ATAD3B: variants seen among roughly 807,000 people sequenced by gnomAD.
The protein encoded by ATAD3B is ATPase family AAA domain-containing protein 3B.
Under a neutral mutation model 70.2 loss-of-function variants are expected in ATAD3B, and 59 were observed. The ratio of observed to expected loss-of-function variants is 0.84; its 90% CI spans 0.68 to 1.04. ATAD3B has a LOEUF of 1.04. ATAD3B is among the 50% of genes least tolerant of loss of function. The pLI is 0.00. For synonymous variants in ATAD3B, 423 were observed against 388.6 expected (o/e 1.09, Z -1.04); for missense variants, 961 against 913.4 (o/e 1.05, Z -0.67).
intron 13 of ATAD3B, chr1:1,490,011 CG>C: frequency 7.4e-7 from 1 of 1,355,152 alleles, no homozygotes; most frequent in Non-Finnish European, 9.5e-7. Context: ...CGAGGGTCAG[CG>C]GGGAAGTACC....
At chr1:1,500,238 C>T (rs1382136672), downstream of ATAD3B, among the ~76,000 whole-genome samples, 1 of 143,874 alleles carries the variant, frequency 7.0e-6, no homozygotes, top group Non-Finnish European at 1.5e-5. Context: ...TTGTTGAAAA[C>T]CTTGGGAGTT....
downstream of ATAD3B, among the ~76,000 whole-genome samples, chr1:1,498,827 A>C (rs1283936151): frequency 6.6e-6 from 1 of 151,110 alleles, no homozygotes; most frequent in East Asian, 2.0e-4. Context: ...GTAGCACTCG[A>C]ATGTTAACTT....
downstream of ATAD3B, among the ~76,000 whole-genome samples, chr1:1,501,189 A>G (rs142051257): frequency 2.7e-3 from 408 of 151,142 alleles, 1 homozygote; most frequent in African/African-American, 9.2e-3. Context: ...CCTGAGTTTA[A>G]GCGATTCTCC....
chr1:1,493,488 C>G (rs749270075), intron 15 of ATAD3B, among the ~76,000 whole-genome samples: 1 of 151,704 alleles, frequency 6.6e-6, no homozygotes, highest in Non-Finnish European at 1.5e-5. Flanking sequence ...GCCGCCCAGG[C>G]TGGAGTGCAG....
chr1:1,498,508 A>G (rs1324313131), downstream of ATAD3B, among the ~76,000 whole-genome samples: 2 of 148,004 alleles, frequency 1.4e-5, no homozygotes, highest in Non-Finnish European at 3.0e-5. Flanking sequence ...GATGATGGCC[A>G]TGGCGAGGGG....
At chr1:1,489,503 T>C (rs555687075) in intron 13 of ATAD3B, 33 of 990,928 alleles carry the variant, frequency 3.3e-5, no homozygotes, top group African/African-American at 3.0e-4. Context: ...TTCACGGCCC[T>C]GTGCGCCGCC....
chr1:1,485,678 G>A (rs904528277), intron 8 of ATAD3B, 104 bp from the exon 9 acceptor site: 8 of 1,532,674 alleles, frequency 5.2e-6, no homozygotes, highest in Non-Finnish European at 6.2e-6. Flanking sequence ...GCTGTGCTTT[G>A]GGGCAGCTCC....
At chr1:1,509,455 A>T in the ATAD3B span, 33 of 1,589,324 alleles carry the variant, frequency 2.1e-5, no homozygotes, top group Admixed American at 4.4e-4. Context: ...ATAAAGTCCC[A>T]CGGGGGCCGC....
chr1:1,490,260 C>T lies in ATAD3B; in HGVS notation c.1341C>T (p.Phe447=), dbSNP rs147013208. Residue 447 remains phenylalanine, a synonymous_variant, in exon 14 of 16, where the codon TTC becomes TTT. Transcript: ENST00000673477. ...CTTCCCCATCCCTGTCCTACAGATTCATGCTGGTCCTGGCCAGCAATCTGC... is the reference window on the plus strand; with the variant it reads ...CTTCCCCATCCCTGTCCTACAGATTTATGCTGGTCCTGGCCAGCAATCTGC... ...LYHMGQHSNK[F]MLVLASNLPE... 312 of 1,612,232 alleles carry T rather than the reference C, an allele frequency of 1.9e-4. 2 individuals carry two copies. The African/African-American group carries it at 3.1e-3, about 16-fold the overall frequency.
chr1:1,508,467 G>A, the ATAD3B span, among the ~76,000 whole-genome samples: 1 of 151,564 alleles, frequency 6.6e-6, no homozygotes, highest in East Asian at 1.9e-4. Flanking sequence ...CAGCTGTCCG[G>A]GAAGGGTCCC....
chr1:1,501,337 C>G (rs1410673983), downstream of ATAD3B, among the ~76,000 whole-genome samples: 4 of 152,020 alleles, frequency 2.6e-5, no homozygotes, highest in African/African-American at 9.7e-5. Context: ...TCACTGCAAG[C>G]TCTGCCTCCC....
At chr1:1,478,392 G>C in intron 2 of ATAD3B, 1 of 1,478,094 alleles carries the variant, frequency 6.8e-7, no homozygotes, top group Admixed American at 2.3e-5. Context: ...AGCCTTGTGG[G>C]GTGGGGTTGG....
chr1:1,485,606 A>G (rs569467872), intron 8 of ATAD3B, among the ~76,000 whole-genome samples, 176 bp from the exon 9 acceptor site: 10 of 151,990 alleles, frequency 6.6e-5, no homozygotes, highest in African/African-American at 2.2e-4. Flanking sequence ...AAATGCCCCT[A>G]ATCCCAGCAA....
intron 4 of ATAD3B, 23 bp from the exon 5 acceptor site, chr1:1,480,844 C>G: frequency 1.9e-6 from 3 of 1,593,656 alleles, no homozygotes; most frequent in Non-Finnish European, 2.6e-6. Flanking sequence ...AGGCTTTTCT[C>G]TTTTTCTGCG....
Position 1,495,717 on chromosome 1 carries a change from G to T in ATAD3B, c.1847G>T (p.Cys616Phe), listed in dbSNP as rs761123135. 4.3e-6 allele frequency: 7 copies of T among 1,613,340 alleles called. No individual in the cohort carries two copies. The South Asian group carries it at 6.6e-5, about 15-fold the overall frequency. Residue 616 changes from cysteine (C) to phenylalanine (F), a missense_variant, in exon 16 of 16, where the codon TGC becomes TTC. By Grantham distance (205) the Cys-to-Phe change is radical. This residue lies in a region of ATAD3B where 417 missense variants were observed against 335.0 expected (regional missense o/e 1.24). Transcript: ENST00000673477. ...CLAGPCTFRI[C>F]SWMGTGLCPG... ...GCCGGCCCCTGCACATTTAGGATAT[G>T]CTCCTGGATGGGGACTGGGCTGTGC...
Position 1,482,585 on chromosome 1 carries a change from G to C in ATAD3B, c.721G>C (p.Val241Leu). 6.2e-7 allele frequency: 1 copy of C among 1,613,376 alleles called. No homozygotes were observed. The highest frequency in any genetic ancestry group is 8.5e-7 in the Non-Finnish European group (1 of 1,179,540). Reference sequence around the variant, plus strand: ...GTTTGGGGAAGGATTCCGTGCCTTTGTGACAGACCGGGACAAAGTGACAGC... The same window carrying C: ...GTTTGGGGAAGGATTCCGTGCCTTTCTGACAGACCGGGACAAAGTGACAGC... ...TLFGEGFRAF[V>L]TDRDKVTATV... is the part of the protein sequence containing the mutation. The change falls in exon 7 of 16, where the codon GTG becomes CTG. Residue 241 changes from valine to leucine, a missense_variant. Transcript: ENST00000673477.
intron 1 of ATAD3B, among the ~76,000 whole-genome samples, chr1:1,476,528 T>C (rs1639597391): frequency 6.7e-6 from 1 of 149,370 alleles, no homozygotes; most frequent in Non-Finnish European, 1.5e-5. Context: ...TTTTTTTTTT[T>C]GAGACGGACT....
chr1:1,500,292 C>T (rs989429727), downstream of ATAD3B, among the ~76,000 whole-genome samples: 11 of 150,782 alleles, frequency 7.3e-5, no homozygotes, highest in Admixed American at 5.9e-4. Context: ...GTGGCTCACG[C>T]CTGTAATCCC....
intron 15 of ATAD3B, among the ~76,000 whole-genome samples, chr1:1,492,626 C>T (rs184436227): frequency 1.3e-5 from 2 of 151,714 alleles, no homozygotes; most frequent in African/African-American, 4.8e-5. Flanking sequence ...GAGACCCCAC[C>T]TCTACTAAAA....
Sources: allele counts gnomAD v4.1 joint callset (sites outside exome capture counted in the v4.1 genomes callset), GRCh38; gene constraint gnomAD v4.1.1; regional missense constraint gnomAD v4.1.1; transcripts MANE v1.5; gene names NCBI Gene and HGNC (gene_info 2026-07-23, HGNC 2026-07-21).